Variants in CDC42EP1 observed in about 807,000 individuals in gnomAD.
CDC42EP1 encodes the protein CDC42 effector protein 1.
A neutral mutation model predicts 7.4 loss-of-function variants in CDC42EP1; 6 were observed. That is an observed-to-expected ratio of 0.81 (90% CI 0.44 to 1.60). CDC42EP1 has a LOEUF of 1.60. Among genes scored for constraint, CDC42EP1 ranks in the 40% most tolerant of loss-of-function variants. The pLI is 0.01. For synonymous variants in CDC42EP1, 238 were observed against 227.1 expected (o/e 1.05, Z -0.43); for missense variants, 567 against 539.0 (o/e 1.05, Z -0.51).
Position 37,560,535 on chromosome 22 carries a change from G to T in CDC42EP1, c.-332G>T, listed in dbSNP as rs1924994102. Reference sequence around the variant, plus strand: ...CCAGCCGGGACGCGCGGCCGCCGCCGCTGCAGACGACGAGTCCGCCCTCGT... The same window carrying T: ...CCAGCCGGGACGCGCGGCCGCCGCCTCTGCAGACGACGAGTCCGCCCTCGT... On this transcript the variant is annotated 5_prime_UTR_variant, in exon 1 of 3. Transcript: ENST00000249014. 1 of 150,056 alleles carries T rather than the reference G, an allele frequency of 6.7e-6. No homozygotes were observed. Among genetic ancestry groups the T allele is most frequent in the Non-Finnish European group, 1.5e-5 (1 of 67,244 alleles). The allele number at this position is 150,056 out of a possible 1,614,324, so 9.3% of individuals were successfully genotyped here. A position where few individuals can be genotyped will look rare whatever the true frequency, so the allele number is the denominator to read the frequency against.
At chr22:37,567,987 AG>A in intron 2 of CDC42EP1, 120 bp from the exon 3 acceptor site, 1 of 775,348 alleles carries the variant, frequency 1.3e-6, no homozygotes. Context: ...GGAGAAACCG[AG>A]GCCAGAGAGG....
Position 37,566,228 on chromosome 22 carries a change from G to A in CDC42EP1, c.-122G>A, listed in dbSNP as rs1445681808. The A allele has an allele frequency of 1.6e-6, 1 of 613,802 alleles. No individual in the cohort carries two copies. Among genetic ancestry groups the A allele is most frequent in the African/African-American group, 1.9e-5 (1 of 53,652 alleles). The allele number at this position is 613,802 out of a possible 1,614,324, so 38.0% of individuals were successfully genotyped here. A position where few individuals can be genotyped will look rare whatever the true frequency, so the allele number is the denominator to read the frequency against. On this transcript the variant is annotated 5_prime_UTR_variant, in exon 2 of 3. The change abolishes the stop of an existing upstream ORF in the 5' untranslated region. Coordinates refer to ENST00000249014, the MANE Select transcript of CDC42EP1 (RefSeq NM_152243.3). The surrounding 1 kb of genome is among the most constrained non-coding windows in gnomAD (Gnocchi z 6.4). ...CTCTGCATTTGGGGACCTCACCTTA[G>A]GAGAGTGCCATTTACAGCTTCCGCC...
rs773513413 is a variant in CDC42EP1 at position 37,568,833 on chromosome 22, C to A, written c.*13C>A. The A allele has an allele frequency of 2.8e-6, 4 of 1,445,760 alleles. No individual in the cohort carries two copies. The East Asian group carries it at 9.8e-5, about 35-fold the overall frequency. The allele number at this position is 1,445,760 out of a possible 1,614,324, so 89.6% of individuals were successfully genotyped here. Reference sequence around the variant, plus strand: ...GGTCAAGGTGTGAGGGGCTGGGGCACGGTCCCAGGGCCCCACCTAGGTGCA... The same window carrying A: ...GGTCAAGGTGTGAGGGGCTGGGGCAAGGTCCCAGGGCCCCACCTAGGTGCA... On this transcript the variant is annotated 3_prime_UTR_variant, in exon 3 of 3. Transcript: ENST00000249014.
chr22:37,564,872 G>A (rs551243334), intron 1 of CDC42EP1, among the ~76,000 whole-genome samples: 22 of 152,142 alleles, frequency 1.4e-4, no homozygotes, highest in African/African-American at 4.3e-4. Context: ...TCTGCCTCCC[G>A]GGTTCAAGCA....
intron 2 of CDC42EP1, 85 bp from the exon 3 acceptor site, chr22:37,568,023 A>G (rs1925306971): frequency 1.6e-6 from 2 of 1,217,952 alleles, no homozygotes; most frequent in African/African-American, 3.0e-5. Context: ...GAGGCCACAC[A>G]GCAAGCCAGG....
chr22:37,567,429 G>T (rs1925285223), intron 2 of CDC42EP1, among the ~76,000 whole-genome samples: 2 of 152,160 alleles, frequency 1.3e-5, no homozygotes, highest in African/African-American at 4.8e-5. Context: ...TGCCCAGCCA[G>T]AAGTGCCACC....
intron 1 of CDC42EP1, among the ~76,000 whole-genome samples, chr22:37,563,308 C>CA (rs1434303676): frequency 2.6e-5 from 4 of 152,222 alleles, no homozygotes; most frequent in African/African-American, 9.6e-5. Context: ...GACAGGTCTC[C>CA]CTTCCCTCCG....
chr22:37,568,450 C>T lies in CDC42EP1; in HGVS notation c.806C>T (p.Pro269Leu), dbSNP rs1183324135. Reference protein sequence around the residue: ...PSAPAATPTGPAANPPAPAAS... With the variant: ...PSAPAATPTGLAANPPAPAAS... ...GCACCTGCCGCAACCCCCACGGGTC[C>T]TGCTGCAAATCCCCCAGCCCCTGCC... The change falls in exon 3 of 3, where the codon CCT (proline) becomes CTT (leucine). Residue 269 changes from proline (P) to leucine (L), a missense_variant. Physicochemically the swap from Pro to Leu is moderately conservative, Grantham distance 98. Coordinates refer to ENST00000249014, the MANE Select transcript of CDC42EP1 (RefSeq NM_152243.3). The T allele has an allele frequency of 1.9e-6, 3 of 1,591,658 alleles. No homozygotes were observed. Among genetic ancestry groups the T allele is most frequent in the East Asian group, 2.3e-5 (1 of 44,182 alleles).
chr22:37,566,652 T>TC lies in CDC42EP1; in HGVS notation c.308dup (p.Ala104CysfsTer71). The TC allele has an allele frequency of 2.5e-6, 4 of 1,598,120 alleles. No homozygotes were observed. Among genetic ancestry groups the TC allele is most frequent in the South Asian group, 1.1e-5 (1 of 89,086 alleles). ...GGGCGCCCCCCCGGAGGATGGCATCTCCCCCTGCACCCTCCCCGGCTCCAC... is the reference window on the plus strand; with the variant it reads ...GGGCGCCCCCCCGGAGGATGGCATCTCCCCCCTGCACCCTCCCCGGCTCCAC... On this transcript the variant is annotated frameshift_variant, in exon 2 of 3. Coordinates refer to ENST00000249014, the MANE Select transcript of CDC42EP1 (RefSeq NM_152243.3). LOFTEE classifies it high-confidence loss of function. This position sits in a 1 kb window ranked among gnomAD's most constrained non-coding sequence, Gnocchi z 6.4.
Position 37,568,834 on chromosome 22 carries a change from G to T in CDC42EP1, c.*14G>T. The T allele has an allele frequency of 6.9e-7, 1 of 1,444,078 alleles. No individual in the cohort carries two copies. Among genetic ancestry groups the T allele is most frequent in the Non-Finnish European group, 9.2e-7 (1 of 1,091,830 alleles). 89.5% of individuals were successfully genotyped at this position (1,444,078 alleles called of 1,614,324 possible). A position where few individuals can be genotyped will look rare whatever the true frequency, so the allele number is the denominator to read the frequency against. ...GTCAAGGTGTGAGGGGCTGGGGCACGGTCCCAGGGCCCCACCTAGGTGCAG... is the reference window on the plus strand; with the variant it reads ...GTCAAGGTGTGAGGGGCTGGGGCACTGTCCCAGGGCCCCACCTAGGTGCAG... On this transcript the variant is annotated 3_prime_UTR_variant, in exon 3 of 3. Transcript: ENST00000249014.
Position 37,568,576 on chromosome 22 carries a change from G to A in CDC42EP1, c.932G>A (p.Gly311Glu), listed in dbSNP as rs575939602. The A allele has an allele frequency of 3.1e-6, 5 of 1,603,974 alleles. No individual in the cohort carries two copies. The highest frequency in any genetic ancestry group is 4.5e-5 in the East Asian group (2 of 44,466). Residue 311 changes from glycine to glutamate, a missense_variant, in exon 3 of 3, where the codon GGA (glycine) becomes GAA (glutamate). Gly to Glu is a moderately conservative substitution (Grantham distance 98). Transcript: ENST00000249014. ...AGCCCAGTGGGAGGGGGTCCCCGAG[G>A]ACCTGCTGGCCCTGCCCTCGGCAGG... The part of the protein sequence containing the change: ...KSSPVGGGPR[G>E]PAGPALGRHW...
chr22:37,568,144 C>A lies in CDC42EP1; in HGVS notation c.500C>A (p.Pro167His), dbSNP rs372858376. Residue 167 changes from proline (P) to histidine (H), a missense_variant, in exon 3 of 3, where the codon CCC (proline) becomes CAC (histidine). Pro to His is a moderately conservative substitution (Grantham distance 77). Transcript: ENST00000249014. Reference protein sequence around the residue: ...DSGFCTISRLPRSEKPHDRDR... With the variant: ...DSGFCTISRLHRSEKPHDRDR... ...GGGTTCTGCACCATCTCCCGCCTGC[C>A]CCGCTCGGAAAAGCCGCATGACCGA... The A allele has an allele frequency of 5.0e-6, 8 of 1,613,958 alleles. No homozygotes were observed. The highest frequency in any genetic ancestry group is 3.3e-4 in the Middle Eastern group (2 of 6,060).
Position 37,568,324 on chromosome 22 carries a change from C to T in CDC42EP1, c.680C>T (p.Pro227Leu). Reference sequence around the variant, plus strand: ...GCCCCTGCAGCTGAGACTCCAGCCCCCGCTGCAAACCCCCCAGCCCCTACT... The same window carrying T: ...GCCCCTGCAGCTGAGACTCCAGCCCTCGCTGCAAACCCCCCAGCCCCTACT... ...PEAPAAETPA[P>L]AANPPAPTAN... The change falls in exon 3 of 3, where the codon CCC becomes CTC. Residue 227 changes from proline (P) to leucine (L), a missense_variant. Transcript: ENST00000249014. 2 of 1,610,516 alleles carry T rather than the reference C, an allele frequency of 1.2e-6. No homozygotes were observed. The highest frequency in any genetic ancestry group is 1.7e-6 in the Non-Finnish European group (2 of 1,178,812).
At position 37,568,159 on chromosome 22, in the gene CDC42EP1, C is replaced by A. The variant is rs772587344; in HGVS notation, c.515C>A (p.Pro172Gln). The change falls in exon 3 of 3, where the codon CCG (proline) becomes CAG (glutamine). Residue 172 changes from proline (P) to glutamine (Q), a missense_variant. Coordinates refer to ENST00000249014, the MANE Select transcript of CDC42EP1 (RefSeq NM_152243.3). ...TISRLPRSEK[P>Q]HDRDRDGSFP... ...TCCCGCCTGCCCCGCTCGGAAAAGC[C>A]GCATGACCGAGACCGGGATGGTTCC... The A allele has an allele frequency of 1.9e-6, 3 of 1,613,988 alleles. No individual in the cohort carries two copies. In the South Asian group the frequency reaches 3.3e-5, roughly 18 times the overall value.
Position 37,569,010 on chromosome 22 carries a change from G to T in CDC42EP1, c.*190G>T, listed in dbSNP as rs956760680. The T allele has an allele frequency of 8.6e-5, 36 of 418,292 alleles. No homozygotes were observed. The highest frequency in any genetic ancestry group is 8.3e-6 in the Non-Finnish European group (2 of 240,306). The allele number at this position is 418,292 out of a possible 1,614,324, so 25.9% of individuals were successfully genotyped here. A position where few individuals can be genotyped will look rare whatever the true frequency, so the allele number is the denominator to read the frequency against. On this transcript the variant is annotated 3_prime_UTR_variant, in exon 3 of 3. Coordinates refer to ENST00000249014, the MANE Select transcript of CDC42EP1 (RefSeq NM_152243.3). ...CTCTGGGACTTTTATGCTCCCAGAG[G>T]CCCTGCCAAACTGACCACCTCCCCC...
chr22:37,562,488 G>A (rs1925079021), intron 1 of CDC42EP1, among the ~76,000 whole-genome samples: 2 of 152,234 alleles, frequency 1.3e-5, no homozygotes, highest in African/African-American at 4.8e-5. Flanking sequence ...ACCCATGGCT[G>A]CCCTGCTCCA....
chr22:37,560,735 A>G (rs1925004875), intron 1 of CDC42EP1, 147 bp downstream of exon 1: 1 of 151,472 alleles, frequency 6.6e-6, no homozygotes, highest in Non-Finnish European at 1.5e-5. Context: ...GGGTGCCCAC[A>G]GGAAGGCCGG....
rs1241810580 is a variant in CDC42EP1, at chr22:37,566,867, AG to A, written c.463+59del. 7.3e-7 allele frequency: 1 copy of A among 1,368,082 alleles called. No homozygotes were observed. Among genetic ancestry groups the A allele is most frequent in the East Asian group, 2.4e-5 (1 of 41,990 alleles). The allele number at this position is 1,368,082 out of a possible 1,614,324, so 84.7% of individuals were successfully genotyped here. On this transcript the variant is annotated intron_variant, in intron 2 of 2. Coordinates refer to ENST00000249014, the MANE Select transcript of CDC42EP1 (RefSeq NM_152243.3). The surrounding 1 kb of genome is among the most constrained non-coding windows in gnomAD (Gnocchi z 6.4). ...TTCAGAGGCTGAGGCTGAGGCCCAG[AG>A]GGGTTCAGTGGCTCCTCCAAGCTCC...
At chr22:37,562,430 C>T (rs917091303) in intron 1 of CDC42EP1, among the ~76,000 whole-genome samples, 4 of 152,316 alleles carry the variant, frequency 2.6e-5, no homozygotes, top group African/African-American at 9.6e-5. Flanking sequence ...GTGGCTGCCA[C>T]CGGGGTCCCT....
Sources: gnomAD v4.1 joint callset for allele counts (sites outside exome capture counted in the v4.1 genomes callset) on GRCh38, gnomAD v4.1.1 for gene constraint, Gnocchi (gnomAD v3.1) non-coding constraint, MANE v1.5 for transcripts, NCBI Gene and HGNC (gene_info 2026-07-23, HGNC 2026-07-21) for gene names.